The following GRID1 variants were observed in gnomAD, a reference collection of about 807,000 sequenced individuals.
GRID1 encodes glutamate ionotropic receptor delta type subunit 1.
GRID1 carries 28 observed loss-of-function variants against 98.0 expected under a neutral mutation model. The ratio of observed to expected loss-of-function variants is 0.29; its 90% confidence interval spans 0.21 to 0.39. GRID1 has a LOEUF of 0.39. GRID1 is among the 10% of genes least tolerant of loss of function. The probability of loss-of-function intolerance (pLI) is 1.00; values close to 1 mark genes in which losing one functional copy is unlikely to be tolerated. For synonymous variants in GRID1, 553 were observed against 538.5 expected (o/e 1.03, Z -0.37); for missense variants, 1,111 against 1,340.5 (o/e 0.83, Z 2.67).
At chr10:86,084,583 C>A (rs912732667) in intron 4 of GRID1, among the ~76,000 whole-genome samples, 4 of 152,176 alleles carry the variant, frequency 2.6e-5, no homozygotes, top group African/African-American at 9.7e-5. Flanking sequence ...TACTTGCACA[C>A]CTACTTTCAC....
At chr10:85,821,889 T>C (rs182341844) in intron 8 of GRID1, among the ~76,000 whole-genome samples, 12,967 of 152,080 alleles carry the variant, frequency 0.085, 704 homozygotes, top group Middle Eastern at 0.17. Context: ...ACCACACATC[T>C]ACAACCATCT....
intron 4 of GRID1, among the ~76,000 whole-genome samples, chr10:86,044,366 G>A (rs1843390043): frequency 1.3e-5 from 2 of 152,200 alleles, no homozygotes; most frequent in Non-Finnish European, 1.5e-5. Context: ...TGACATGCTA[G>A]TGAGTGACTT....
intron 5 of GRID1, among the ~76,000 whole-genome samples, chr10:85,891,979 A>G (rs999020343): frequency 6.6e-5 from 10 of 152,030 alleles, no homozygotes; most frequent in African/African-American, 2.2e-4. Flanking sequence ...ATTAAAATAG[A>G]TATTATAAAT....
intron 5 of GRID1, among the ~76,000 whole-genome samples, chr10:85,890,129 G>T (rs1427724402): frequency 6.6e-6 from 1 of 151,914 alleles, no homozygotes; most frequent in Non-Finnish European, 1.5e-5. Flanking sequence ...CAGGACACTA[G>T]AACTTATTCC....
intron 5 of GRID1, among the ~76,000 whole-genome samples, chr10:85,888,162 G>A (rs1841144201): frequency 2.6e-5 from 4 of 152,206 alleles, no homozygotes; most frequent in Admixed American, 2.6e-4. Flanking sequence ...TCCTTTGTTT[G>A]TATAAATGAC....
At chr10:86,346,292 T>G (rs1184470263) in intron 2 of GRID1, among the ~76,000 whole-genome samples, 3 of 152,258 alleles carry the variant, frequency 2.0e-5, no homozygotes, top group Admixed American at 1.3e-4. Context: ...CACCACCTGC[T>G]TTCTCCAGCT....
intron 2 of GRID1, among the ~76,000 whole-genome samples, chr10:86,271,470 C>T (rs1847184442): frequency 6.6e-6 from 1 of 152,108 alleles, no homozygotes; most frequent in Non-Finnish European, 1.5e-5. Context: ...CAAAATCAAA[C>T]CACAACTGAA....
chr10:85,893,167 T>C (rs1347949259), intron 5 of GRID1, among the ~76,000 whole-genome samples: 1 of 152,084 alleles, frequency 6.6e-6, no homozygotes, highest in African/African-American at 2.4e-5. Flanking sequence ...AAAAAATATT[T>C]GGCAAAATTC....
At chr10:86,352,759 T>G (rs1848480378) in intron 2 of GRID1, among the ~76,000 whole-genome samples, 1 of 152,080 alleles carries the variant, frequency 6.6e-6, no homozygotes, top group Non-Finnish European at 1.5e-5. Flanking sequence ...TGGCCTTGGT[T>G]TTGCATGGCC....
intron 12 of GRID1, among the ~76,000 whole-genome samples, chr10:85,683,826 CACTCTT>C (rs1469842986): frequency 4.6e-5 from 7 of 152,194 alleles, no homozygotes; most frequent in Admixed American, 4.6e-4. Flanking sequence ...GTCTTCAACA[CACTCTT>C]ACAGATAATA....
At chr10:85,746,750 C>T (rs953833311) in intron 8 of GRID1, among the ~76,000 whole-genome samples, 2 of 152,016 alleles carry the variant, frequency 1.3e-5, no homozygotes, top group African/African-American at 4.8e-5. Flanking sequence ...AGCTAAGTGA[C>T]CTCAGTTAAA....
rs181652819 is a variant in GRID1 at position 86,120,754 on chromosome 10, C to T, written c.726+18065G>A. Among the ~76,000 whole-genome samples, 1,356 of 152,220 alleles carry T rather than the reference C, an allele frequency of 8.9e-3. 15 individuals are homozygous for T. Among genetic ancestry groups the T allele is most frequent in the Non-Finnish European group, 0.013 (892 of 68,008 alleles). ...CAGTTTGGACATAAATATTAAATAT[C>T]ACCTTCTATGTAACTATTTTCTGAC... On this transcript the variant is annotated intron_variant, in intron 4 of 15. Coordinates refer to ENST00000327946, the MANE Select transcript of GRID1 (RefSeq NM_017551.3).
intron 4 of GRID1, among the ~76,000 whole-genome samples, chr10:86,089,640 C>G (rs1199428798): frequency 6.6e-6 from 1 of 152,008 alleles, no homozygotes; most frequent in Non-Finnish European, 1.5e-5. Flanking sequence ...TTTTAAACAG[C>G]TAGCATAAAA....
chr10:86,308,294 G>A (rs1847786762), intron 2 of GRID1, among the ~76,000 whole-genome samples: 2 of 152,312 alleles, frequency 1.3e-5, no homozygotes. Flanking sequence ...CTCCAGACCT[G>A]AACTAGGGCC....
intron 4 of GRID1, among the ~76,000 whole-genome samples, chr10:85,982,015 G>A (rs1302541147): frequency 6.6e-6 from 1 of 152,132 alleles, no homozygotes; most frequent in Non-Finnish European, 1.5e-5. Context: ...AAGAGTGAGA[G>A]TGATCCAATG....
intron 2 of GRID1, among the ~76,000 whole-genome samples, chr10:86,217,454 A>T (rs143303569): frequency 1.3e-5 from 2 of 152,226 alleles, no homozygotes; most frequent in Non-Finnish European, 2.9e-5. Flanking sequence ...CAGCCCTCTC[A>T]TATGGGATCC....
chr10:85,937,419 T>A (rs931733229), intron 4 of GRID1, among the ~76,000 whole-genome samples: 1 of 152,196 alleles, frequency 6.6e-6, no homozygotes, highest in African/African-American at 2.4e-5. Context: ...AATACCCACC[T>A]GTGTTCATCA....
chr10:86,303,842 C>T (rs1408866969), intron 2 of GRID1, among the ~76,000 whole-genome samples: 1 of 152,230 alleles, frequency 6.6e-6, no homozygotes, highest in Non-Finnish European at 1.5e-5. Flanking sequence ...GTTCCTGTCT[C>T]TCCTGGGGCT....
intron 12 of GRID1, among the ~76,000 whole-genome samples, chr10:85,706,253 C>T (rs973207251): frequency 2.0e-5 from 3 of 152,176 alleles, no homozygotes; most frequent in African/African-American, 7.2e-5. Context: ...TGATAAGCAA[C>T]TTCAGCAAAG....
Sources: gnomAD v4.1 joint callset for allele counts (sites outside exome capture counted in the v4.1 genomes callset) on GRCh38, gnomAD v4.1.1 for gene constraint, MANE v1.5 for transcripts, NCBI Gene and HGNC (gene_info 2026-07-23, HGNC 2026-07-21) for gene names.